KRT80: variants seen among roughly 807,000 people sequenced by gnomAD.
KRT80 encodes the protein keratin, type II cytoskeletal 80.
KRT80 carries 36 observed loss-of-function variants against 51.5 expected under a neutral mutation model. The observed-to-expected ratio is 0.70, with a 90% CI of 0.54 to 0.92. The LOEUF is 0.92. KRT80 is among the 40% of genes least tolerant of loss of function. The pLI, the probability that KRT80 is intolerant of heterozygous loss-of-function variation, is 0.00. For missense variants in KRT80, 566 were observed against 591.7 expected (o/e 0.96, Z 0.45); for synonymous variants, 235 against 248.3 (o/e 0.95, Z 0.50).
chr12:52,191,936 G>T lies in KRT80; in HGVS notation c.-34C>A. 5.6e-6 allele frequency: 8 copies of T among 1,438,724 alleles called. No individual in the cohort carries two copies. Among genetic ancestry groups the T allele is most frequent in the Non-Finnish European group, 5.5e-6 (6 of 1,096,724 alleles). 89.1% of individuals were successfully genotyped at this position (1,438,724 alleles called of 1,614,324 possible). On this transcript the variant is annotated 5_prime_UTR_variant, in exon 1 of 9. Transcript: ENST00000394815. ...CGGCCGGAAGCAGGAGGGCCCAGGG[G>T]GGTGAGCGAGTGAGCCTGGGGTTGC...
intron 1 of KRT80, among the ~76,000 whole-genome samples, chr12:52,188,162 G>A (rs974562278): frequency 2.0e-5 from 3 of 152,060 alleles, no homozygotes; most frequent in African/African-American, 7.2e-5. Flanking sequence ...ACCTGGGGAG[G>A]GCTCATAATC....
At position 52,171,284 on chromosome 12, in the gene KRT80, A is replaced by G; in HGVS notation, c.*114T>C. ...AGTTTTGAACCCCTCTCTCAGTTCA[A>G]TATCAGGTTTTGCCTCTCTTCTCAA... On this transcript the variant is annotated 3_prime_UTR_variant, in exon 9 of 9. Coordinates refer to ENST00000394815, the MANE Select transcript of KRT80 (RefSeq NM_182507.3). 4 of 1,106,290 alleles carry G rather than the reference A, an allele frequency of 3.6e-6. No individual in the cohort carries two copies. Among genetic ancestry groups the G allele is most frequent in the East Asian group, 2.4e-5 (1 of 41,940 alleles). 68.5% of individuals were successfully genotyped at this position (1,106,290 alleles called of 1,614,324 possible).
chr12:52,176,482 C>CTT (rs11355892), intron 4 of KRT80, among the ~76,000 whole-genome samples: 12 of 140,626 alleles, frequency 8.5e-5, no homozygotes, highest in Non-Finnish European at 9.3e-5. Context: ...TCTTCTTCTT[C>CTT]TTTTTTTTTT....
intron 4 of KRT80, among the ~76,000 whole-genome samples, chr12:52,177,605 C>G (rs1015292811): frequency 2.0e-5 from 3 of 151,250 alleles, no homozygotes; most frequent in Non-Finnish European, 4.4e-5. Context: ...ACTCAGTTGG[C>G]TTGGAAGGGC....
chr12:52,188,246 C>T (rs1253693154), intron 1 of KRT80, among the ~76,000 whole-genome samples: 23 of 152,212 alleles, frequency 1.5e-4, no homozygotes, highest in Admixed American at 1.5e-3. Context: ...TCTGATTCCT[C>T]CTCTCTGTTC....
Position 52,170,301 on chromosome 12 carries a change from G to A in KRT80, c.*1097C>T, listed in dbSNP as rs1183994148. 1 of 152,706 alleles carries A rather than the reference G, an allele frequency of 6.5e-6. No individual in the cohort carries two copies. The allele number at this position is 152,706 out of a possible 1,614,324, so 9.5% of individuals were successfully genotyped here. ...AGGGAGGAAGGGGAAGGAGTGAGAA[G>A]AAAGGAGGAGCTCTAACCCCATAGG... is the stretch of plus-strand genomic sequence containing the variant. On this transcript the variant is annotated 3_prime_UTR_variant, in exon 9 of 9. Coordinates refer to ENST00000394815, the MANE Select transcript of KRT80 (RefSeq NM_182507.3).
intron 2 of KRT80, among the ~76,000 whole-genome samples, chr12:52,182,057 C>T (rs1370218375): frequency 5.9e-5 from 9 of 152,318 alleles, no homozygotes; most frequent in East Asian, 1.9e-4. Flanking sequence ...AGCTGAGGGG[C>T]GTGGACCCAA....
At chr12:52,186,183 C>G (rs1941401626) in intron 1 of KRT80, among the ~76,000 whole-genome samples, 1 of 152,052 alleles carries the variant, frequency 6.6e-6, no homozygotes, top group Non-Finnish European at 1.5e-5. Context: ...CCTGCCTCCT[C>G]CCCACCCTGC....
At position 52,191,962 on chromosome 12, in the gene KRT80, G is replaced by T. The variant is rs1047752889; in HGVS notation, c.-60C>A. The T allele has an allele frequency of 1.4e-6, 2 of 1,394,170 alleles. No individual in the cohort carries two copies. Among genetic ancestry groups the T allele is most frequent in the Non-Finnish European group, 9.4e-7 (1 of 1,062,352 alleles). 86.4% of individuals were successfully genotyped at this position (1,394,170 alleles called of 1,614,324 possible). A position where few individuals can be genotyped will look rare whatever the true frequency, so the allele number is the denominator to read the frequency against. On this transcript the variant is annotated 5_prime_UTR_variant, in exon 1 of 9. Transcript: ENST00000394815. Reference sequence around the variant, plus strand: ...GGTGAGCGAGTGAGCCTGGGGTTGCGTCGGGTGGCAGGCTCTGGTTGCTCT... The same window carrying T: ...GGTGAGCGAGTGAGCCTGGGGTTGCTTCGGGTGGCAGGCTCTGGTTGCTCT...
chr12:52,178,411 G>A (rs566031788), intron 4 of KRT80, among the ~76,000 whole-genome samples: 29 of 152,204 alleles, frequency 1.9e-4, no homozygotes, highest in African/African-American at 6.3e-4. Context: ...TTCTTTAATC[G>A]CCAGGCTCCC....
In KRT80 at chr12:52,180,709, C is replaced by A. The variant is rs1215536786; in HGVS notation, c.571-101G>T. On this transcript the variant is annotated intron_variant, in intron 3 of 8. Transcript: ENST00000394815. ...CTCCTGGGTGAGAGTGGGGGTGATT[C>A]CAGAGGAGATCTGGCTCAGAGCCTC... The A allele has an allele frequency of 1.9e-6, 3 of 1,602,580 alleles. No homozygotes were observed. The East Asian group carries it at 6.7e-5, about 36-fold the overall frequency.
At chr12:52,184,263 C>T (rs939302947) in intron 2 of KRT80, among the ~76,000 whole-genome samples, 2 of 152,160 alleles carry the variant, frequency 1.3e-5, no homozygotes, top group African/African-American at 4.8e-5. Context: ...CCTCCCCTCA[C>T]GCTGGCTGGA....
chr12:52,191,313 C>G (rs1365612900), intron 1 of KRT80, among the ~76,000 whole-genome samples: 1 of 152,192 alleles, frequency 6.6e-6, no homozygotes, highest in East Asian at 1.9e-4. Context: ...GGTGGTCCTC[C>G]CCAGTCCCTG....
At chr12:52,178,054 G>T (rs773201334) in intron 4 of KRT80, among the ~76,000 whole-genome samples, 2 of 152,126 alleles carry the variant, frequency 1.3e-5, no homozygotes, top group Non-Finnish European at 2.9e-5. Flanking sequence ...CTCTGGTGTG[G>T]GGAATAGTTT....
intron 1 of KRT80, among the ~76,000 whole-genome samples, chr12:52,188,151 G>A (rs77786037): frequency 2.0e-5 from 3 of 152,098 alleles, no homozygotes; most frequent in Non-Finnish European, 4.4e-5. Context: ...TCAGAACAAG[G>A]ACCTGGGGAG....
intron 2 of KRT80, among the ~76,000 whole-genome samples, chr12:52,182,376 C>T (rs1034529804): frequency 4.6e-5 from 7 of 152,288 alleles, no homozygotes; most frequent in Middle Eastern, 3.4e-3. Flanking sequence ...CAAGGAAGGA[C>T]TGGGGGCTCC....
At chr12:52,174,001 G>A (rs959129194) in intron 4 of KRT80, among the ~76,000 whole-genome samples, 1 of 152,208 alleles carries the variant, frequency 6.6e-6, no homozygotes, top group Non-Finnish European at 1.5e-5. Context: ...CTGAGTGGAG[G>A]GCAGGCTGGG....
chr12:52,191,784 C>G lies in KRT80; in HGVS notation c.119G>C (p.Gly40Ala). 1 of 1,611,182 alleles carries G rather than the reference C, an allele frequency of 6.2e-7. No homozygotes were observed. ...GCCTGTGAGGCTGCGGGAGCTGAAG[C>G]CCGGCCCGGGGGCCCTGCAGCTGTC... is the stretch of plus-strand genomic sequence containing the variant. The part of the protein sequence containing the change: ...GWDSCRAPGP[G>A]FSSRSLTGCW... Residue 40 changes from glycine to alanine, a missense_variant, in exon 1 of 9, where the codon GGC (glycine) becomes GCC (alanine). Transcript: ENST00000394815.
intron 4 of KRT80, among the ~76,000 whole-genome samples, chr12:52,176,405 T>C (rs969899155): frequency 6.6e-6 from 1 of 152,084 alleles, no homozygotes; most frequent in Non-Finnish European, 1.5e-5. Flanking sequence ...GTGACTGTTA[T>C]GGGGTAACAG....
Sources: gnomAD v4.1 joint callset for allele counts (sites outside exome capture counted in the v4.1 genomes callset) on GRCh38, gnomAD v4.1.1 for gene constraint, MANE v1.5 for transcripts, NCBI Gene and HGNC (gene_info 2026-07-23, HGNC 2026-07-21) for gene names.